The following LAMA4 variants were observed in gnomAD, a reference collection of about 807,000 sequenced individuals.
LAMA4 encodes the protein laminin subunit alpha-4.
Under a neutral mutation model 207.1 loss-of-function variants are expected in LAMA4, and 127 were observed. That is an observed-to-expected ratio of 0.61 (90% CI 0.53 to 0.71). The LOEUF (loss-of-function observed/expected upper bound fraction) is 0.71, where lower values mean the gene tolerates loss of function less well. Among genes scored for constraint, LAMA4 ranks in the 30% least tolerant of loss-of-function variants. LAMA4 has a pLI of 0.00. For synonymous variants in LAMA4, 761 were observed against 816.0 expected, an observed-to-expected ratio of 0.93 and a Z score of 1.15; for missense variants, 2,093 against 2,246.5, an observed-to-expected ratio of 0.93 and a Z score of 1.38.
chr6:112,224,730 C>A (rs140424860), intron 2 of LAMA4, among the ~76,000 whole-genome samples: 4,219 of 149,186 alleles, frequency 0.028, 193 homozygotes, highest in African/African-American at 0.097. Flanking sequence ...GCAGGGGAAT[C>A]ACTTGAATCC....
chr6:112,220,449 T>C (rs1258888164), intron 2 of LAMA4, among the ~76,000 whole-genome samples: 17 of 152,178 alleles, frequency 1.1e-4, no homozygotes, highest in African/African-American at 3.9e-4. Context: ...GAGAACTAGA[T>C]GTAACTTTAT....
intron 13 of LAMA4, 103 bp from the exon 14 acceptor site, chr6:112,158,983 A>T: frequency 1.3e-6 from 1 of 782,684 alleles, no homozygotes. Context: ...TATGAAGGTC[A>T]GTAAATTTCA....
chr6:112,253,790 A>G, intron 2 of LAMA4, 166 bp downstream of exon 2: 1 of 1,614,220 alleles, frequency 6.2e-7, no homozygotes, highest in Non-Finnish European at 8.5e-7. Flanking sequence ...AATGCAACTT[A>G]CAAAGGAAAA....
chr6:112,172,586 C>T (rs782206795), intron 12 of LAMA4, 25 bp downstream of exon 12: 4 of 1,608,712 alleles, frequency 2.5e-6, no homozygotes, highest in African/African-American at 2.7e-5. Flanking sequence ...TGCTGAAATG[C>T]ATTGATGGTG....
chr6:112,183,950 C>CAAAAAAA (rs782424211), intron 9 of LAMA4, among the ~76,000 whole-genome samples: 18 of 81,558 alleles, frequency 2.2e-4, no homozygotes, highest in East Asian at 3.3e-4. Context: ...GACTCCATCT[C>CAAAAAAA]AAAAAAAAAA....
At chr6:112,231,907 G>C (rs1030160281) in intron 2 of LAMA4, among the ~76,000 whole-genome samples, 3 of 152,180 alleles carry the variant, frequency 2.0e-5, no homozygotes, top group Non-Finnish European at 4.4e-5. Flanking sequence ...ACTTAGGATT[G>C]TGTGTTGAAC....
At chr6:112,240,900 A>G (rs1554187506) in intron 2 of LAMA4, among the ~76,000 whole-genome samples, 1 of 151,710 alleles carries the variant, frequency 6.6e-6, no homozygotes, top group African/African-American at 2.4e-5. Flanking sequence ...TTTTCAGGTT[A>G]TATACCCAGC....
chr6:112,140,983 G>T (rs1443467442), intron 21 of LAMA4, 61 bp from the exon 22 acceptor site: 4 of 1,461,624 alleles, frequency 2.7e-6, no homozygotes, highest in Non-Finnish European at 3.8e-6. Flanking sequence ...CTTTTTAAAT[G>T]TCAAAATGTT....
At position 112,140,836 on chromosome 6, in the gene LAMA4, G is replaced by A. The variant is rs782682713; in HGVS notation, c.2900C>T (p.Ser967Leu). 1.3e-5 allele frequency: 21 copies of A among 1,613,958 alleles called. No homozygotes were observed. Among genetic ancestry groups the A allele is most frequent in the East Asian group, 6.7e-5 (3 of 44,868 alleles). Residue 967 changes from serine to leucine, a missense_variant, in exon 22 of 39, where the codon TCG becomes TTG. Transcript: ENST00000230538. ...CAGGTCCAGCAGAGAGTCATCTCCC[G>A]AAAATTCCCCCTTTTTAATGAACTT... ...EEKFIKKGEF[S>L]GDDSLLDLDP...
intron 19 of LAMA4, among the ~76,000 whole-genome samples, chr6:112,142,645 ATTGT>A (rs770468374): frequency 1.3e-5 from 2 of 152,182 alleles, no homozygotes; most frequent in African/African-American, 4.8e-5. Context: ...TACAAAACTA[ATTGT>A]TTGGGAGAAG....
chr6:112,141,561 C>A lies in LAMA4; in HGVS notation c.2668-58G>T. ...TAAAATTCATAAGAATGAACATCAT[C>A]TTTTTTAAAGGACAATCAGAAATCC... On this transcript the variant is annotated intron_variant, in intron 20 of 38. Coordinates refer to ENST00000230538, the MANE Select transcript of LAMA4 (RefSeq NM_001105206.3). The A allele has an allele frequency of 3.8e-6, 5 of 1,325,226 alleles. No individual in the cohort carries two copies. In the South Asian group the frequency reaches 5.9e-5, roughly 16 times the overall value. The allele number at this position is 1,325,226 out of a possible 1,614,324, so 82.1% of individuals were successfully genotyped here. A position where few individuals can be genotyped will look rare whatever the true frequency, so the allele number is the denominator to read the frequency against.
At chr6:112,198,393 G>A (rs942762924) in intron 5 of LAMA4, among the ~76,000 whole-genome samples, 1 of 152,166 alleles carries the variant, frequency 6.6e-6, no homozygotes, top group South Asian at 2.1e-4. Flanking sequence ...ATTTAGAAAA[G>A]CTCTTTTGGA....
chr6:112,113,250 A>G (rs1446401492), intron 38 of LAMA4, among the ~76,000 whole-genome samples: 1 of 152,242 alleles, frequency 6.6e-6, no homozygotes, highest in Non-Finnish European at 1.5e-5. Context: ...ATCATTACAC[A>G]TTGTATACAG....
At chr6:112,231,117 C>T (rs888001005) in intron 2 of LAMA4, among the ~76,000 whole-genome samples, 2 of 152,210 alleles carry the variant, frequency 1.3e-5, no homozygotes, top group Admixed American at 6.5e-5. Context: ...CCCTGGAATA[C>T]CCGGGATAAA....
intron 18 of LAMA4, among the ~76,000 whole-genome samples, chr6:112,147,503 C>T (rs559558719): frequency 6.6e-6 from 1 of 152,236 alleles, no homozygotes; most frequent in South Asian, 2.1e-4. Context: ...TATTGACAGA[C>T]ATTGCTGTTT....
In LAMA4 at chr6:112,175,459, T is replaced by TAG; in HGVS notation, c.1209_1210dup (p.Tyr404SerfsTer52). On this transcript the variant is annotated frameshift_variant, in exon 11 of 39. Coordinates refer to ENST00000230538, the MANE Select transcript of LAMA4 (RefSeq NM_001105206.3). LOFTEE classifies it high-confidence loss of function. ...GCTAAGTTCATGCTCTTCCCCATAA[T>TAG]AGAGCATCTTGTTGTTGATCTCTGA... The TAG allele has an allele frequency of 1.2e-6, 2 of 1,614,162 alleles. No individual in the cohort carries two copies. Among genetic ancestry groups the TAG allele is most frequent in the Non-Finnish European group, 8.5e-7 (1 of 1,179,994 alleles).
chr6:112,186,877 T>G, intron 8 of LAMA4: 1 of 455,860 alleles, frequency 2.2e-6, no homozygotes, highest in Non-Finnish European at 4.4e-6. Context: ...TGGCTGCTTT[T>G]AACTTGTTTA....
chr6:112,238,238 C>A (rs1301149925), intron 2 of LAMA4, among the ~76,000 whole-genome samples: 2 of 152,042 alleles, frequency 1.3e-5, no homozygotes, highest in East Asian at 3.9e-4. Context: ...GTGCTTGTTT[C>A]GTCTGTGTTT....
intron 2 of LAMA4, among the ~76,000 whole-genome samples, chr6:112,228,575 A>G (rs952404039): frequency 1.2e-4 from 19 of 152,324 alleles, no homozygotes; most frequent in South Asian, 4.1e-4. Flanking sequence ...CATAAAAGCT[A>G]GAAACAGTAA....
Sources: allele counts gnomAD v4.1 joint callset (sites outside exome capture counted in the v4.1 genomes callset), GRCh38; gene constraint gnomAD v4.1.1; transcripts MANE v1.5; gene names NCBI Gene and HGNC (gene_info 2026-07-23, HGNC 2026-07-21).